The following ACSM6 variants were observed in gnomAD, a reference collection of about 807,000 sequenced individuals.
ACSM6 encodes acyl-CoA synthetase medium chain family member 6.
In ACSM6, 35 loss-of-function variants were observed where a neutral mutation model predicts 51.1. That is an observed-to-expected ratio of 0.69 (90% CI 0.52 to 0.91). ACSM6 has a LOEUF of 0.91. Ranked by LOEUF, ACSM6 falls within the 40% of genes least tolerant of loss-of-function variation. The pLI is 0.00. For synonymous variants in ACSM6, 172 were observed against 207.3 expected, an observed-to-expected ratio of 0.83 and a Z score of 1.46; for missense variants, 509 against 584.1, an observed-to-expected ratio of 0.87 and a Z score of 1.32.
At chr10:95,204,290 G>C (rs918630211) in intron 3 of ACSM6, among the ~76,000 whole-genome samples, 11 of 152,150 alleles carry the variant, frequency 7.2e-5, no homozygotes, top group African/African-American at 2.4e-4. Context: ...CAGTGGCTAC[G>C]CCTGTAATCC....
At chr10:95,209,340 G>T (rs1360638152) in intron 4 of ACSM6, among the ~76,000 whole-genome samples, 1 of 152,110 alleles carries the variant, frequency 6.6e-6, no homozygotes, top group East Asian at 1.9e-4. Flanking sequence ...AGCAGGAGAG[G>T]AGGCCGAAGC....
intron 6 of ACSM6, 52 bp downstream of exon 6, chr10:95,212,086 A>G (rs745944827): frequency 1.0e-5 from 16 of 1,604,364 alleles, no homozygotes; most frequent in Admixed American, 1.7e-5. Flanking sequence ...AGAGAGAGGC[A>G]TTAGCAATGA....
At chr10:95,212,157 C>A in intron 6 of ACSM6, 123 bp downstream of exon 6, 1 of 1,153,108 alleles carries the variant, frequency 8.7e-7, no homozygotes, top group Non-Finnish European at 1.3e-6. Context: ...GTGATCTTGA[C>A]TTGAAGATGC....
At chr10:95,210,501 G>A (rs1333718911) in intron 4 of ACSM6, 149 bp from the exon 5 acceptor site, 9 of 806,938 alleles carry the variant, frequency 1.1e-5, no homozygotes, top group Admixed American at 3.6e-5. Context: ...AGGGAAAAAT[G>A]GCAGCTGCCC....
chr10:95,198,702 G>A (rs946343269), intron 2 of ACSM6, among the ~76,000 whole-genome samples: 2 of 152,026 alleles, frequency 1.3e-5, no homozygotes, highest in African/African-American at 4.8e-5. Context: ...TATCTCTGAC[G>A]GCCTAGGCCT....
intron 3 of ACSM6, 94 bp downstream of exon 3, chr10:95,202,289 C>A: frequency 8.9e-7 from 1 of 1,119,288 alleles, no homozygotes; most frequent in Non-Finnish European, 1.3e-6. Flanking sequence ...GGATCTCTAT[C>A]TGATGCCTGA....
chr10:95,219,747 T>G (rs11188228), intron 8 of ACSM6, 144 bp from the exon 9 acceptor site: 1 of 577,406 alleles, frequency 1.7e-6, no homozygotes, highest in Non-Finnish European at 3.0e-6. Flanking sequence ...CACTCCTGCT[T>G]GATTTTTTTT....
intron 8 of ACSM6, among the ~76,000 whole-genome samples, chr10:95,215,519 A>C (rs1485450247): frequency 6.6e-6 from 1 of 152,206 alleles, no homozygotes; most frequent in African/African-American, 2.4e-5. Context: ...TTTGCCAAGA[A>C]GGTGCAATAA....
At chr10:95,220,639 T>A (rs1225730330) in intron 9 of ACSM6, among the ~76,000 whole-genome samples, 1 of 152,216 alleles carries the variant, frequency 6.6e-6, no homozygotes, top group Non-Finnish European at 1.5e-5. Flanking sequence ...CAAATATTAG[T>A]ATTTACTTTA....
At chr10:95,199,209 T>C (rs1202128993) in intron 2 of ACSM6, among the ~76,000 whole-genome samples, 1 of 152,164 alleles carries the variant, frequency 6.6e-6, no homozygotes, top group East Asian at 1.9e-4. Context: ...TATCTACAAC[T>C]ATCTGATCTT....
At chr10:95,201,447 G>A (rs1252551175) in intron 2 of ACSM6, 1 of 455,166 alleles carries the variant, frequency 2.2e-6, no homozygotes, top group Non-Finnish European at 4.4e-6. Flanking sequence ...ATAGGATAAT[G>A]GCCTTCAGCT....
At chr10:95,207,132 T>C (rs1564587978) in intron 3 of ACSM6, 76 bp from the exon 4 acceptor site, 2 of 1,409,918 alleles carry the variant, frequency 1.4e-6, no homozygotes, top group Non-Finnish European at 2.0e-6. Context: ...ACCTCATCCA[T>C]GCCTGCCAGA....
At position 95,227,795 on chromosome 10, in the gene ACSM6, C is replaced by T. The variant is rs182560561; in HGVS notation, c.1303-849C>T. Among the ~76,000 whole-genome samples, 128 of 152,302 alleles carry T rather than the reference C, an allele frequency of 8.4e-4. 1 individual carries two copies. Among genetic ancestry groups the T allele is most frequent in the African/African-American group, 2.7e-3 (113 of 41,566 alleles). The stretch of plus-strand genomic sequence containing the variant: ...AATGCTGTTAGAATCTGGCCGGGCG[C>T]GGTGGCTCATGCCTGTAATCCCAGC... On this transcript the variant is annotated intron_variant, in intron 10 of 10. Coordinates refer to ENST00000341686, the Ensembl canonical transcript of ACSM6.
chr10:95,224,215 T>A (rs1412012693), intron 9 of ACSM6, among the ~76,000 whole-genome samples: 1 of 152,182 alleles, frequency 6.6e-6, no homozygotes, highest in Non-Finnish European at 1.5e-5. Flanking sequence ...GCTGGTAGTT[T>A]CCATAGAAAA....
chr10:95,213,041 C>G, intron 7 of ACSM6, 101 bp downstream of exon 7: 1 of 917,214 alleles, frequency 1.1e-6, no homozygotes, highest in South Asian at 1.5e-5. Flanking sequence ...TCTTACCCTC[C>G]GGTAACACAC....
Position 95,209,751 on chromosome 10 carries a change from T to A in ACSM6, c.612-899T>A, listed in dbSNP as rs1589494275. 4.6e-5 allele frequency among the ~76,000 whole-genome samples: 7 copies of A among 152,160 alleles called. No individual in the cohort carries two copies. In the South Asian group the frequency reaches 1.2e-3, roughly 27 times the overall value. On this transcript the variant is annotated intron_variant, in intron 4 of 10. Coordinates refer to ENST00000341686, the Ensembl canonical transcript of ACSM6. ...AATTTCCACAAATATTTATTTTATA[T>A]ATTTATGTAATGTTTTCATAATTTA...
Position 95,214,924 on chromosome 10 carries a change from G to A in ACSM6, c.1068G>A (p.Trp356Ter), listed in dbSNP as rs1457820600. The change falls in exon 8 of 11, where the codon TGG becomes TGA. Residue 356 changes from tryptophan (W) to a stop codon, truncating the protein, a stop_gained. Transcript: ENST00000341686. LOFTEE classifies it high-confidence loss of function. ...TCAGCCCTGGGGTGATTGAGGACTG[G>A]AAACGCATCACTAAGTTGGACATCT... The A allele has an allele frequency of 3.2e-6, 5 of 1,551,676 alleles. No individual in the cohort carries two copies. Among genetic ancestry groups the A allele is most frequent in the Non-Finnish European group, 4.4e-6 (5 of 1,146,956 alleles).
chr10:95,209,044 A>G (rs2034869869), intron 4 of ACSM6, among the ~76,000 whole-genome samples: 1 of 151,918 alleles, frequency 6.6e-6, no homozygotes, highest in Non-Finnish European at 1.5e-5. Flanking sequence ...CACATAAATT[A>G]TCAATATAAT....
chr10:95,210,672 T>G (rs761154955), exon 5 of ACSM6: 11 of 1,613,740 alleles, frequency 6.8e-6, no homozygotes, highest in Non-Finnish European at 9.3e-6. Context: ...AAAGCAGACC[T>G]ACATGAGGAC....
Sources: gnomAD v4.1 joint callset for allele counts (sites outside exome capture counted in the v4.1 genomes callset) on GRCh38, gnomAD v4.1.1 for gene constraint, MANE v1.5 for transcripts, NCBI Gene and HGNC (gene_info 2026-07-23, HGNC 2026-07-21) for gene names.